Variants in KAZN observed in about 807,000 individuals in gnomAD.
KAZN encodes the protein kazrin, periplakin interacting protein, also known as kazrin.
In KAZN, 40 loss-of-function variants were observed where a neutral mutation model predicts 87.4. The ratio of observed to expected loss-of-function variants is 0.46; its 90% CI spans 0.36 to 0.60. The LOEUF is 0.60. Among genes scored for constraint, KAZN ranks in the 20% least tolerant of loss-of-function variants. The probability of loss-of-function intolerance (pLI) is 0.00; values close to 1 mark genes in which losing one functional copy is unlikely to be tolerated. For synonymous variants in KAZN, 466 were observed against 458.3 expected, an observed-to-expected ratio of 1.02 and a Z score of -0.22; for missense variants, 898 against 1,073.9, an observed-to-expected ratio of 0.84 and a Z score of 2.29.
At chr1:13,949,532 T>C (rs973299212) in intron 1 of KAZN, among the ~76,000 whole-genome samples, 1 of 110,180 alleles carries the variant, frequency 9.1e-6, no homozygotes, top group African/African-American at 3.2e-5. Flanking sequence ...TGTGACGAGG[T>C]GTTTTTAGGG....
At chr1:14,042,445 C>T (rs80274028) in intron 1 of KAZN, among the ~76,000 whole-genome samples, 1,633 of 152,316 alleles carry the variant, frequency 0.011, 28 homozygotes, top group African/African-American at 0.037. Flanking sequence ...TACCTCTGTA[C>T]CTGGTACTTC....
intron 2 of KAZN, among the ~76,000 whole-genome samples, chr1:14,190,091 G>A (rs925738815): frequency 6.6e-6 from 1 of 152,094 alleles, no homozygotes; most frequent in African/African-American, 2.4e-5. Flanking sequence ...GTGATGAACT[G>A]GGAGAAGTGT....
intron 1 of KAZN, among the ~76,000 whole-genome samples, chr1:14,671,621 C>T (rs902911905): frequency 4.6e-5 from 7 of 152,146 alleles, no homozygotes; most frequent in African/African-American, 1.2e-4. Context: ...AATTTCCCCC[C>T]GTGGGCAAAG....
chr1:14,901,576 G>T (rs1415572781), intron 1 of KAZN, among the ~76,000 whole-genome samples: 1 of 152,186 alleles, frequency 6.6e-6, no homozygotes, highest in African/African-American at 2.4e-5. Flanking sequence ...TGCTGTGATC[G>T]TCCAGGGGAG....
At chr1:14,737,835 C>G (rs1643956400) in intron 1 of KAZN, among the ~76,000 whole-genome samples, 1 of 152,190 alleles carries the variant, frequency 6.6e-6, no homozygotes, top group Admixed American at 6.5e-5. Flanking sequence ...ACATGGGCCT[C>G]TCCATCAGCT....
chr1:14,528,808 T>C (rs1359043334), intron 2 of KAZN, among the ~76,000 whole-genome samples: 1 of 150,572 alleles, frequency 6.6e-6, no homozygotes, highest in Non-Finnish European at 1.5e-5. Context: ...TCTTCTTTTC[T>C]CCAGGCTGCA....
chr1:14,773,708 C>G lies in KAZN; in HGVS notation c.226+174485C>G, dbSNP rs1420982595. Among the ~76,000 whole-genome samples, 1 of 152,204 alleles carries G rather than the reference C, an allele frequency of 6.6e-6. No individual in the cohort carries two copies. The highest frequency in any genetic ancestry group is 1.5e-5 in the Non-Finnish European group (1 of 68,034). On this transcript the variant is annotated intron_variant, in intron 1 of 14. Coordinates refer to ENST00000376030, the MANE Select transcript of KAZN (RefSeq NM_201628.3). This position sits in a 1 kb window ranked among gnomAD's most constrained non-coding sequence, Gnocchi z 5.9. ...TGCAGCCGGTTACCCATTGGCGTCA[C>G]TTAGCCTGGCAGTGCTGCTAATGAG... is the stretch of plus-strand genomic sequence containing the variant.
chr1:14,447,864 T>C (rs1667070439), intron 2 of KAZN, among the ~76,000 whole-genome samples: 1 of 152,200 alleles, frequency 6.6e-6, no homozygotes, highest in African/African-American at 2.4e-5. Flanking sequence ...AGTTAAATAA[T>C]GTGCCCAAGA....
At chr1:14,546,982 G>C (rs1040125897) in intron 2 of KAZN, among the ~76,000 whole-genome samples, 1 of 152,130 alleles carries the variant, frequency 6.6e-6, no homozygotes, top group South Asian at 2.1e-4. Context: ...GAGAGATGTC[G>C]GGAACTCACA....
At chr1:14,300,026 C>T (rs1407265140) in intron 2 of KAZN, among the ~76,000 whole-genome samples, 3 of 152,036 alleles carry the variant, frequency 2.0e-5, no homozygotes, top group Non-Finnish European at 4.4e-5. Context: ...TGACAAGAAA[C>T]CAGTCCTGAC....
intron 1 of KAZN, among the ~76,000 whole-genome samples, chr1:13,986,250 A>AT (rs1230197915): frequency 6.6e-6 from 1 of 152,140 alleles, no homozygotes; most frequent in Non-Finnish European, 1.5e-5. Context: ...ATATGATTGT[A>AT]TTTTTTCTTT....
intron 1 of KAZN, among the ~76,000 whole-genome samples, chr1:14,160,573 G>C (rs1324407748): frequency 1.3e-5 from 2 of 152,188 alleles, no homozygotes; most frequent in Non-Finnish European, 2.9e-5. Context: ...GTGCTCACCT[G>C]AGTTTTGGCT....
chr1:14,702,814 G>A (rs1642007306), intron 1 of KAZN, among the ~76,000 whole-genome samples: 1 of 152,106 alleles, frequency 6.6e-6, no homozygotes. Context: ...CCACCTTTTA[G>A]TATCACCGTC....
intron 2 of KAZN, among the ~76,000 whole-genome samples, chr1:14,431,287 G>T (rs1666054869): frequency 6.6e-6 from 1 of 152,096 alleles, no homozygotes; most frequent in Non-Finnish European, 1.5e-5. Context: ...ATGGGCATTT[G>T]GGGATCCATT....
At chr1:14,693,052 T>C (rs540728252) in intron 1 of KAZN, among the ~76,000 whole-genome samples, 1 of 152,292 alleles carries the variant, frequency 6.6e-6, no homozygotes, top group Admixed American at 6.5e-5. Flanking sequence ...ATGTCCCTGC[T>C]TCGACCCTAA....
At chr1:14,469,471 C>T (rs1361395) in intron 2 of KAZN, among the ~76,000 whole-genome samples, 59,252 of 151,944 alleles carry the variant, frequency 0.39, 11,992 homozygotes, top group East Asian at 0.59. Context: ...AAAAATGAAA[C>T]GGAAGGTTAT....
intron 1 of KAZN, among the ~76,000 whole-genome samples, chr1:14,855,111 C>A (rs762841690): frequency 1.3e-5 from 2 of 152,098 alleles, no homozygotes; most frequent in Non-Finnish European, 2.9e-5. Flanking sequence ...TGTGAGACGA[C>A]GGGAGTCTAG....
intron 2 of KAZN, among the ~76,000 whole-genome samples, chr1:14,403,265 A>G (rs905327043): frequency 2.6e-5 from 4 of 152,242 alleles, no homozygotes; most frequent in Non-Finnish European, 5.9e-5. Context: ...TCCTTACTTC[A>G]CACCATACTC....
At chr1:14,425,112 G>C (rs533555065) in intron 2 of KAZN, among the ~76,000 whole-genome samples, 1 of 152,302 alleles carries the variant, frequency 6.6e-6, no homozygotes, top group South Asian at 2.1e-4. Flanking sequence ...TGGGAGGGGA[G>C]AGTGATTCGT....
Sources: gnomAD v4.1 joint callset for allele counts (sites outside exome capture counted in the v4.1 genomes callset) on GRCh38, gnomAD v4.1.1 for gene constraint, Gnocchi (gnomAD v3.1) non-coding constraint, MANE v1.5 for transcripts, NCBI Gene and HGNC (gene_info 2026-07-23, HGNC 2026-07-21) for gene names.